Variants in ADD3 observed in about 807,000 individuals in gnomAD.
ADD3 encodes gamma-adducin.
Under a neutral mutation model 80.2 loss-of-function variants are expected in ADD3, and 25 were observed. The observed-to-expected ratio is 0.31, with a 90% confidence interval of 0.23 to 0.44. ADD3 has a LOEUF of 0.44. ADD3 is among the 20% of genes least tolerant of loss of function. The pLI, the probability that ADD3 is intolerant of heterozygous loss-of-function variation, is 1.00. For missense variants in ADD3, 829 were observed against 847.5 expected, an observed-to-expected ratio of 0.98 and a Z score of 0.27; for synonymous variants, 284 against 289.6, an observed-to-expected ratio of 0.98 and a Z score of 0.20.
intron 1 of ADD3, among the ~76,000 whole-genome samples, chr10:110,094,521 C>A (rs1166277050): frequency 1.3e-5 from 2 of 152,086 alleles, no homozygotes; most frequent in East Asian, 3.8e-4. Context: ...GCACTTAGTG[C>A]CATCTGTATT....
At chr10:110,081,974 A>G (rs896471458) in intron 1 of ADD3, among the ~76,000 whole-genome samples, 1 of 152,190 alleles carries the variant, frequency 6.6e-6, no homozygotes, top group African/African-American at 2.4e-5. Context: ...TTGAGCTGAA[A>G]CAGACATTTT....
chr10:110,097,414 T>C (rs1848298883), intron 1 of ADD3, among the ~76,000 whole-genome samples: 1 of 152,160 alleles, frequency 6.6e-6, no homozygotes, highest in African/African-American at 2.4e-5. Context: ...TGTCTTATAT[T>C]GGATTAATGT....
intron 9 of ADD3, among the ~76,000 whole-genome samples, chr10:110,123,105 A>G (rs1851721033): frequency 6.6e-6 from 1 of 152,200 alleles, no homozygotes; most frequent in Non-Finnish European, 1.5e-5. Flanking sequence ...TACCACATTT[A>G]TATCCCATCC....
chr10:110,023,848 A>G (rs1406548272), intron 1 of ADD3, among the ~76,000 whole-genome samples: 1 of 152,224 alleles, frequency 6.6e-6, no homozygotes, highest in African/African-American at 2.4e-5. Context: ...TGCTTCCCCT[A>G]TGCTGTGTTT....
intron 1 of ADD3, among the ~76,000 whole-genome samples, chr10:110,070,401 A>G (rs1296499647): frequency 1.3e-5 from 2 of 152,340 alleles, no homozygotes; most frequent in Middle Eastern, 3.4e-3. Context: ...AAAAAGTAGA[A>G]AAGAAATATA....
chr10:110,107,483 CA>C (rs933377474), intron 2 of ADD3, among the ~76,000 whole-genome samples: 3 of 151,526 alleles, frequency 2.0e-5, no homozygotes, highest in African/African-American at 4.8e-5. Context: ...GCAGATAAAG[CA>C]AAAAAAATTA....
chr10:110,022,651 ACCTTAGTGG>A (rs138147345), intron 1 of ADD3, among the ~76,000 whole-genome samples: 127 of 152,310 alleles, frequency 8.3e-4, no homozygotes, highest in African/African-American at 2.9e-3. Context: ...CCAGACAAAA[ACCTTAGTGG>A]TGAAGATAGA....
chr10:110,066,447 A>G (rs962692114), intron 1 of ADD3, among the ~76,000 whole-genome samples: 4 of 151,850 alleles, frequency 2.6e-5, no homozygotes, highest in African/African-American at 9.7e-5. Flanking sequence ...GTTAGCCAGG[A>G]TGGTCTCGAT....
intron 2 of ADD3, among the ~76,000 whole-genome samples, chr10:110,106,618 C>T (rs1392484818): frequency 6.6e-6 from 1 of 152,042 alleles, no homozygotes; most frequent in Non-Finnish European, 1.5e-5. Context: ...GCCTCACTCC[C>T]TCGACATTGA....
intron 1 of ADD3, among the ~76,000 whole-genome samples, chr10:110,026,231 T>C (rs1248243839): frequency 6.6e-6 from 1 of 152,100 alleles, no homozygotes; most frequent in African/African-American, 2.4e-5. Context: ...AGGAATAGTT[T>C]TAGGTCATTT....
chr10:110,034,230 C>G (rs1458671997), intron 1 of ADD3, among the ~76,000 whole-genome samples: 1 of 151,952 alleles, frequency 6.6e-6, no homozygotes, highest in Non-Finnish European at 1.5e-5. Context: ...ATATCTCAGC[C>G]TAGGGGATAT....
At chr10:110,075,341 GT>G (rs551667288) in intron 1 of ADD3, among the ~76,000 whole-genome samples, 3 of 147,484 alleles carry the variant, frequency 2.0e-5, no homozygotes, top group African/African-American at 5.0e-5. Context: ...ATGGTTTTTT[GT>G]TTTTTTTTTA....
chr10:110,062,127 C>A (rs1488234935), intron 1 of ADD3, among the ~76,000 whole-genome samples: 2 of 132,036 alleles, frequency 1.5e-5, no homozygotes, highest in East Asian at 4.7e-4. Flanking sequence ...CTTTGGGAGG[C>A]CGAGGCAGGC....
At chr10:110,073,099 T>A (rs1199760620) in intron 1 of ADD3, among the ~76,000 whole-genome samples, 1 of 151,810 alleles carries the variant, frequency 6.6e-6, no homozygotes, top group Non-Finnish European at 1.5e-5. Context: ...CCACTAGTTG[T>A]ATGACCTTAT....
At chr10:110,007,949 A>AAGGGACGCTCG (rs1385112577), upstream of ADD3, 4 of 150,782 alleles carry the variant, frequency 2.7e-5, no homozygotes, top group Non-Finnish European at 5.9e-5. Context: ...GGGCGGGACC[A>AAGGGACGCTCG]AGGGACGCTC....
At chr10:110,037,604 CA>C (rs998064830) in intron 1 of ADD3, among the ~76,000 whole-genome samples, 1,321 of 51,140 alleles carry the variant, frequency 0.026, 12 homozygotes, top group African/African-American at 0.056. Flanking sequence ...GACTCAGTCT[CA>C]AAAAAAAAAA....
intron 2 of ADD3, among the ~76,000 whole-genome samples, chr10:110,111,772 G>A (rs370918430): frequency 6.6e-6 from 1 of 152,018 alleles, no homozygotes; most frequent in Admixed American, 6.6e-5. Context: ...AAAATTAGCC[G>A]GGTGGTGGCG....
chr10:110,107,348 GGAA>G lies in ADD3; in HGVS notation c.196-5422_196-5420del, dbSNP rs771076067. Among the ~76,000 whole-genome samples, 5 of 152,106 alleles carry G rather than the reference GGAA, an allele frequency of 3.3e-5. No homozygotes were observed. The East Asian group carries it at 9.6e-4, about 29-fold the overall frequency. The stretch of plus-strand genomic sequence containing the variant: ...GTTGAATAAAGGAAAGAATTCATTA[GGAA>G]GAAGAACAGTGGAAGTCAATACTTC... On this transcript the variant is annotated intron_variant, in intron 2 of 14. Coordinates refer to ENST00000356080, the MANE Select transcript of ADD3 (RefSeq NM_016824.5).
chr10:110,121,352 A>G (rs188345713), intron 8 of ADD3, among the ~76,000 whole-genome samples: 85 of 152,184 alleles, frequency 5.6e-4, no homozygotes, highest in African/African-American at 2.0e-3. Flanking sequence ...GCGTGGTGTC[A>G]TGTGCCTGTA....
Sources: allele counts gnomAD v4.1 joint callset (sites outside exome capture counted in the v4.1 genomes callset), GRCh38; gene constraint gnomAD v4.1.1; transcripts MANE v1.5; gene names NCBI Gene and HGNC (gene_info 2026-07-23, HGNC 2026-07-21).